GREB1L: variants seen among roughly 807,000 people sequenced by gnomAD.
GREB1L encodes GREB1-like protein.
A neutral mutation model predicts 200.8 loss-of-function variants in GREB1L; 17 were observed. That is an observed-to-expected ratio of 0.08 (90% CI 0.06 to 0.13). GREB1L has a LOEUF of 0.13. Ranked by LOEUF, GREB1L falls within the 10% of genes least tolerant of loss-of-function variation. The probability of loss-of-function intolerance (pLI) is 1.00; values close to 1 mark genes in which losing one functional copy is unlikely to be tolerated. For missense variants in GREB1L, 1,657 were observed against 2,367.7 expected (o/e 0.70, Z 6.23); for synonymous variants, 789 against 893.0 (o/e 0.88, Z 2.08).
Position 21,263,357 on chromosome 18 carries a change from GT to G in GREB1L, c.-120+20968del, listed in dbSNP as rs370150233. ...CCATTACAAAAATAGCCTTAAGGTT[GT>G]TTTCTGTAGTTTCTGTGCTGAGATT... is the stretch of plus-strand genomic sequence containing the variant. On this transcript the variant is annotated intron_variant, in intron 1 of 32. Coordinates refer to ENST00000424526, the MANE Select transcript of GREB1L (RefSeq NM_001142966.3). Among the ~76,000 whole-genome samples the G allele has an allele frequency of 4.1e-4, 62 of 152,316 alleles. 1 individual carries two copies. The highest frequency in any genetic ancestry group is 1.4e-3 in the African/African-American group (60 of 41,572).
intron 1 of GREB1L, among the ~76,000 whole-genome samples, chr18:21,311,532 A>C (rs2038789965): frequency 6.6e-6 from 1 of 152,086 alleles, no homozygotes; most frequent in Non-Finnish European, 1.5e-5. Context: ...AAAAATGTTA[A>C]ATTTTGCCCT....
intron 1 of GREB1L, among the ~76,000 whole-genome samples, chr18:21,303,889 A>G (rs1373100): frequency 1 from 151,684 of 152,330 alleles, 75,523 homozygotes; most frequent in Middle Eastern, 1. Context: ...TTATGCAGTA[A>G]AGTAAACGAG....
intron 7 of GREB1L, among the ~76,000 whole-genome samples, chr18:21,411,656 T>A (rs2031027691): frequency 6.6e-6 from 1 of 152,210 alleles, no homozygotes; most frequent in South Asian, 2.1e-4. Context: ...TCTAGGGAAC[T>A]TTTTGTATAT....
chr18:21,498,394 G>A (rs546182401), intron 21 of GREB1L, among the ~76,000 whole-genome samples: 18 of 152,212 alleles, frequency 1.2e-4, no homozygotes, highest in East Asian at 3.9e-4. Flanking sequence ...CAACCCCATC[G>A]CAACAGGCTC....
chr18:21,514,098 AAC>A, intron 28 of GREB1L, 112 bp downstream of exon 28: 1 of 1,075,418 alleles, frequency 9.3e-7, no homozygotes, highest in Non-Finnish European at 1.3e-6. Flanking sequence ...TCCAGAGCAA[AAC>A]AGTCAACCAT....
At chr18:21,400,040 G>T (rs191920145) in intron 5 of GREB1L, among the ~76,000 whole-genome samples, 2 of 151,938 alleles carry the variant, frequency 1.3e-5, no homozygotes, top group South Asian at 2.1e-4. Context: ...TTTACATATA[G>T]AAATATTGCC....
chr18:21,461,953 T>C (rs748806285), intron 15 of GREB1L, among the ~76,000 whole-genome samples: 7 of 152,178 alleles, frequency 4.6e-5, no homozygotes, highest in African/African-American at 4.8e-5. Context: ...TAAGAGACAT[T>C]AGTTAATGTG....
At chr18:21,357,482 T>C (rs774196456) in intron 1 of GREB1L, among the ~76,000 whole-genome samples, 2 of 152,270 alleles carry the variant, frequency 1.3e-5, no homozygotes, top group Non-Finnish European at 2.9e-5. Flanking sequence ...GCTGTTTAAT[T>C]TGATGCAATC....
chr18:21,388,327 A>G (rs1465865170), intron 4 of GREB1L, among the ~76,000 whole-genome samples: 2 of 152,098 alleles, frequency 1.3e-5, no homozygotes, highest in African/African-American at 4.8e-5. Context: ...ATATATCCCC[A>G]CACAGTTTGC....
intron 17 of GREB1L, among the ~76,000 whole-genome samples, chr18:21,484,721 G>A (rs564103697): frequency 6.6e-6 from 1 of 152,252 alleles, no homozygotes; most frequent in African/African-American, 2.4e-5. Flanking sequence ...CACTCGGGAG[G>A]CTGAGGCAGG....
At chr18:21,319,137 T>C (rs1046816321) in intron 1 of GREB1L, among the ~76,000 whole-genome samples, 6 of 152,238 alleles carry the variant, frequency 3.9e-5, no homozygotes, top group African/African-American at 1.2e-4. Flanking sequence ...AGTGACCATT[T>C]GTCAGTTTTT....
chr18:21,486,854 A>G (rs1341518147), intron 18 of GREB1L, among the ~76,000 whole-genome samples: 1 of 152,212 alleles, frequency 6.6e-6, no homozygotes, highest in African/African-American at 2.4e-5. Flanking sequence ...TTTAGTAGCT[A>G]TAGTTCTTAG....
intron 1 of GREB1L, among the ~76,000 whole-genome samples, chr18:21,334,398 T>G (rs2039153977): frequency 6.6e-6 from 1 of 152,200 alleles, no homozygotes; most frequent in South Asian, 2.1e-4. Flanking sequence ...ACTAAAGTGA[T>G]GATTCTCATG....
At chr18:21,368,486 C>T (rs146806693) in intron 2 of GREB1L, among the ~76,000 whole-genome samples, 7 of 152,198 alleles carry the variant, frequency 4.6e-5, no homozygotes, top group Non-Finnish European at 8.8e-5. Context: ...ACAGTGTTCA[C>T]GGTTGCTTTG....
At chr18:21,288,883 G>A (rs376661273) in intron 1 of GREB1L, among the ~76,000 whole-genome samples, 1 of 151,902 alleles carries the variant, frequency 6.6e-6, no homozygotes, top group Non-Finnish European at 1.5e-5. Flanking sequence ...GATTACAGGC[G>A]CCCACCACCA....
intron 1 of GREB1L, among the ~76,000 whole-genome samples, chr18:21,279,124 T>G (rs1298299750): frequency 6.6e-6 from 1 of 152,106 alleles, no homozygotes; most frequent in Non-Finnish European, 1.5e-5. Context: ...TCAAATCCCT[T>G]CCTTGTTTAA....
chr18:21,515,092 C>G (rs1190385258), intron 28 of GREB1L, among the ~76,000 whole-genome samples: 1 of 152,112 alleles, frequency 6.6e-6, no homozygotes, highest in Admixed American at 6.5e-5. Flanking sequence ...ACACAATTAC[C>G]AGAACTGGGA....
At chr18:21,325,759 G>A (rs35682024) in intron 1 of GREB1L, among the ~76,000 whole-genome samples, 2 of 144,520 alleles carry the variant, frequency 1.4e-5, no homozygotes, top group East Asian at 4.1e-4. Context: ...GCTGCAGTGA[G>A]CCGTGAATTA....
intron 7 of GREB1L, among the ~76,000 whole-genome samples, chr18:21,426,902 C>T (rs1467624612): frequency 1.4e-5 from 2 of 143,526 alleles, no homozygotes; most frequent in Non-Finnish European, 3.0e-5. Flanking sequence ...GAGTTTGCAG[C>T]GAGCCGAGAT....
Sources: gnomAD v4.1 joint callset for allele counts (sites outside exome capture counted in the v4.1 genomes callset) on GRCh38, gnomAD v4.1.1 for gene constraint, MANE v1.5 for transcripts, NCBI Gene and HGNC (gene_info 2026-07-23, HGNC 2026-07-21) for gene names.